The following CPD variants were observed in gnomAD, a reference collection of about 807,000 sequenced individuals.
CPD encodes carboxypeptidase D.
In CPD, 69 loss-of-function variants were observed where a neutral mutation model predicts 138.3. The ratio of observed to expected loss-of-function variants is 0.50; its 90% CI spans 0.41 to 0.61. The LOEUF is 0.61. Among genes scored for constraint, CPD ranks in the 20% least tolerant of loss-of-function variants. The probability of loss-of-function intolerance (pLI) is 0.00; values close to 1 mark genes in which losing one functional copy is unlikely to be tolerated. For synonymous variants in CPD, 651 were observed against 642.1 expected (o/e 1.01, Z -0.21); for missense variants, 1,432 against 1,733.3 (o/e 0.83, Z 3.09).
At chr17:30,412,156 G>A (rs985346392) in intron 2 of CPD, among the ~76,000 whole-genome samples, 4 of 152,164 alleles carry the variant, frequency 2.6e-5, no homozygotes, top group Admixed American at 6.5e-5. Flanking sequence ...GGTCCACTCC[G>A]GACCCTGTTT....
chr17:30,408,998 T>C (rs1277583426), intron 2 of CPD, among the ~76,000 whole-genome samples: 1 of 152,228 alleles, frequency 6.6e-6, no homozygotes, highest in African/African-American at 2.4e-5. Flanking sequence ...GGGTTTGTTA[T>C]AAATAGCTCT....
chr17:30,404,711 T>C (rs1020019482), intron 2 of CPD, among the ~76,000 whole-genome samples: 1 of 152,120 alleles, frequency 6.6e-6, no homozygotes, highest in Non-Finnish European at 1.5e-5. Flanking sequence ...GTCATCTCTT[T>C]TTTTTCTTTC....
intron 14 of CPD, among the ~76,000 whole-genome samples, chr17:30,453,508 A>G (rs1360029973): frequency 1.3e-5 from 2 of 152,118 alleles, no homozygotes; most frequent in East Asian, 3.9e-4. Context: ...TTTACAGGGT[A>G]CAGGCTGTCT....
At chr17:30,436,328 A>G (rs1203831072) in intron 8 of CPD, among the ~76,000 whole-genome samples, 2 of 152,206 alleles carry the variant, frequency 1.3e-5, no homozygotes, top group South Asian at 2.1e-4. Context: ...AAATAAATAA[A>G]TAGATGACCC....
chr17:30,419,250 A>G (rs1415804271), intron 2 of CPD, among the ~76,000 whole-genome samples: 1 of 152,160 alleles, frequency 6.6e-6, no homozygotes, highest in Non-Finnish European at 1.5e-5. Context: ...GCTTAAAACT[A>G]TGACATTGAC....
intron 14 of CPD, among the ~76,000 whole-genome samples, chr17:30,452,081 T>G (rs186457546): frequency 4.2e-4 from 64 of 152,354 alleles, no homozygotes; most frequent in African/African-American, 1.3e-3. Flanking sequence ...GGGATGTTTG[T>G]TTCTTCACTA....
chr17:30,418,949 A>C (rs1912189980), intron 2 of CPD, among the ~76,000 whole-genome samples: 1 of 152,114 alleles, frequency 6.6e-6, no homozygotes, highest in Non-Finnish European at 1.5e-5. Flanking sequence ...TCTTCTTTAC[A>C]AGTTTTTGGT....
At chr17:30,457,110 G>C (rs1184131201) in intron 17 of CPD, among the ~76,000 whole-genome samples, 1 of 152,038 alleles carries the variant, frequency 6.6e-6, no homozygotes, top group African/African-American at 2.4e-5. Context: ...CAGAAACTCT[G>C]TACCCACTAA....
At chr17:30,406,802 ATTG>A (rs1330141570) in intron 2 of CPD, among the ~76,000 whole-genome samples, 1 of 151,954 alleles carries the variant, frequency 6.6e-6, no homozygotes, top group Non-Finnish European at 1.5e-5. Context: ...TGGCCCTGAA[ATTG>A]TTATTATTAT....
In CPD at chr17:30,462,485, TTTTTAGTAGTAAAAGTTAAAA is replaced by T. The variant is rs761436953; in HGVS notation, c.3916+17_3916+37del. On this transcript the variant is annotated intron_variant, in intron 20 of 20. Transcript: ENST00000225719. Reference sequence around the variant, plus strand: ...ACTGTATCAGGTAAAGACATTTTGATTTTTAGTAGTAAAAGTTAAAAACAATCTTGACATTTCAATATGAGA... The same window carrying T: ...ACTGTATCAGGTAAAGACATTTTGATACAATCTTGACATTTCAATATGAGA... 3.2e-4 allele frequency: 510 copies of T among 1,578,482 alleles called. 1 individual carries two copies. The highest frequency in any genetic ancestry group is 4.0e-4 in the Non-Finnish European group (460 of 1,149,324).
intron 8 of CPD, among the ~76,000 whole-genome samples, chr17:30,432,987 AAT>A: frequency 6.6e-6 from 1 of 152,178 alleles, no homozygotes; most frequent in South Asian, 2.1e-4. Context: ...TGTTAGTTTC[AAT>A]GTTTGGTGTT....
intron 17 of CPD, among the ~76,000 whole-genome samples, chr17:30,459,556 T>TGTTGTA (rs1166897746): frequency 2.0e-5 from 3 of 152,298 alleles, no homozygotes; most frequent in African/African-American, 7.2e-5. Context: ...AATGTAGGTT[T>TGTTGTA]GTTGTAGTAA....
At chr17:30,459,248 C>CT (rs1913399586) in intron 17 of CPD, among the ~76,000 whole-genome samples, 1 of 122,184 alleles carries the variant, frequency 8.2e-6, no homozygotes, top group East Asian at 2.5e-4. Flanking sequence ...TTTTATTATA[C>CT]TTTAAGTTTT....
At chr17:30,385,816 G>C (rs1210481656) in intron 2 of CPD, among the ~76,000 whole-genome samples, 1 of 151,208 alleles carries the variant, frequency 6.6e-6, no homozygotes, top group African/African-American at 2.4e-5. Context: ...CTCTTGTAAA[G>C]AGACCGTGCT....
At chr17:30,387,544 A>G (rs1911225616) in intron 2 of CPD, among the ~76,000 whole-genome samples, 1 of 152,216 alleles carries the variant, frequency 6.6e-6, no homozygotes, top group African/African-American at 2.4e-5. Flanking sequence ...ACAGATGTAG[A>G]TGTAGAGGGA....
intron 17 of CPD, among the ~76,000 whole-genome samples, chr17:30,458,250 A>C (rs542912109): frequency 6.6e-6 from 1 of 152,296 alleles, no homozygotes; most frequent in East Asian, 1.9e-4. Context: ...TCTAGATAGG[A>C]AATTCTTATC....
intron 7 of CPD, among the ~76,000 whole-genome samples, chr17:30,429,826 A>G (rs1912515817): frequency 6.6e-6 from 1 of 152,106 alleles, no homozygotes; most frequent in South Asian, 2.1e-4. Context: ...ATGAAAGATG[A>G]GGGTTATTTT....
chr17:30,461,120 C>T, intron 17 of CPD, 60 bp from the exon 18 acceptor site: 1 of 1,354,260 alleles, frequency 7.4e-7, no homozygotes, highest in Non-Finnish European at 1.0e-6. Context: ...TATTACAAAG[C>T]CTTATTCTTT....
intron 2 of CPD, 78 bp from the exon 3 acceptor site, chr17:30,420,763 C>A: frequency 7.6e-7 from 1 of 1,311,904 alleles, no homozygotes; most frequent in Non-Finnish European, 1.1e-6. Flanking sequence ...CCAGAGATGG[C>A]TGATTTAATT....
Sources: gnomAD v4.1 joint callset for allele counts (sites outside exome capture counted in the v4.1 genomes callset) on GRCh38, gnomAD v4.1.1 for gene constraint, MANE v1.5 for transcripts, NCBI Gene and HGNC (gene_info 2026-07-23, HGNC 2026-07-21) for gene names.